Variants in PHRF1 observed in about 807,000 individuals in gnomAD.
PHRF1 encodes PHD and RING finger domain-containing protein 1.
Under a neutral mutation model 128.9 loss-of-function variants are expected in PHRF1, and 53 were observed. The ratio of observed to expected loss-of-function variants is 0.41; its 90% CI spans 0.33 to 0.52. PHRF1 has a LOEUF of 0.52. Ranked by LOEUF, PHRF1 falls within the 20% of genes least tolerant of loss-of-function variation. The probability of loss-of-function intolerance (pLI) is 0.21; values close to 1 mark genes in which losing one functional copy is unlikely to be tolerated. For synonymous variants in PHRF1, 1,178 were observed against 980.6 expected, an observed-to-expected ratio of 1.20 and a Z score of -3.76; for missense variants, 2,503 against 2,284.5, an observed-to-expected ratio of 1.10 and a Z score of -1.95.
At chr11:591,607 C>G in intron 5 of PHRF1, 140 bp downstream of exon 5, 1 of 737,600 alleles carries the variant, frequency 1.4e-6, no homozygotes, top group Non-Finnish European at 2.1e-6. Context: ...TCAAGTGCCC[C>G]TTGTGGCCAT....
At chr11:596,830 C>T in intron 6 of PHRF1, 93 bp from the exon 7 acceptor site, 1 of 1,074,690 alleles carries the variant, frequency 9.3e-7, no homozygotes, top group Non-Finnish European at 1.4e-6. Flanking sequence ...ACTTGGGTGC[C>T]ATCGGAGGCC....
At chr11:599,215 A>G (rs1230599329) in intron 9 of PHRF1, among the ~76,000 whole-genome samples, 1 of 126,064 alleles carries the variant, frequency 7.9e-6, no homozygotes, top group African/African-American at 3.0e-5. Context: ...AATTAACTGT[A>G]TTGAAGCATG....
At position 608,167 on chromosome 11, in the gene PHRF1, A is replaced by C. The variant is rs1856076521; in HGVS notation, c.2711A>C (p.Lys904Thr). Residue 904 changes from lysine (K) to threonine (T), a missense_variant, in exon 14 of 18, where the codon AAG (lysine) becomes ACG (threonine). Transcript: ENST00000264555. ...CTCGGACCGTCCTCCGCCATGTCCAAGCTCCGGGGTGCAGTGGCTGCCGAG... is the reference window on the plus strand; with the variant it reads ...CTCGGACCGTCCTCCGCCATGTCCACGCTCCGGGGTGCAGTGGCTGCCGAG... ...PPLGPSSAMS[K>T]LRGAVAAEGA... 6.2e-7 allele frequency: 1 copy of C among 1,610,722 alleles called. No individual in the cohort carries two copies. Among genetic ancestry groups the C allele is most frequent in the East Asian group, 2.2e-5 (1 of 44,866 alleles).
In PHRF1 at chr11:608,850, C is replaced by G; in HGVS notation, c.3394C>G (p.Leu1132Val). ...CTCCCCCACCAGCAGCCTGGAGAGG[C>G]TCTGCAGGCACAAGCATCAGCGGGA... Reference protein sequence around the residue: ...ECSPTSSLERLCRHKHQRERS... With the variant: ...ECSPTSSLERVCRHKHQRERS... Residue 1132 changes from leucine (L) to valine (V), a missense_variant, in exon 14 of 18, where the codon CTC becomes GTC. Coordinates refer to ENST00000264555, the MANE Select transcript of PHRF1 (RefSeq NM_001286581.2). The G allele has an allele frequency of 6.2e-7, 1 of 1,612,352 alleles. No individual in the cohort carries two copies. Among genetic ancestry groups the G allele is most frequent in the Non-Finnish European group, 8.5e-7 (1 of 1,179,816 alleles).
chr11:582,264 CTTTTT>C (rs71022934), intron 3 of PHRF1, among the ~76,000 whole-genome samples, 183 bp downstream of exon 3: 8 of 120,672 alleles, frequency 6.6e-5, no homozygotes, highest in Non-Finnish European at 9.1e-5. Flanking sequence ...TACTTCATTT[CTTTTT>C]TTTTTTTTTT....
Position 581,492 on chromosome 11 carries a change from A to T in PHRF1, c.-21A>T. The T allele has an allele frequency of 6.2e-7, 1 of 1,612,874 alleles. No individual in the cohort carries two copies. Among genetic ancestry groups the T allele is most frequent in the South Asian group, 1.1e-5 (1 of 90,992 alleles). ...GTTGCTTGGCTCTTCTTTCTTTCAGAGCTGAGCTCAATGTGCAGCAATGGA... is the reference window on the plus strand; with the variant it reads ...GTTGCTTGGCTCTTCTTTCTTTCAGTGCTGAGCTCAATGTGCAGCAATGGA... On this transcript the variant is annotated splice_region_variant and 5_prime_UTR_variant, in exon 2 of 18. Transcript: ENST00000264555.
chr11:587,177 C>A (rs551557516), intron 3 of PHRF1, 82 bp from the exon 4 acceptor site: 3 of 1,379,870 alleles, frequency 2.2e-6, no homozygotes, highest in Non-Finnish European at 3.0e-6. Context: ...GTGTCCTGAG[C>A]GCAGCCTGGG....
Position 597,522 on chromosome 11 carries a change from G to A in PHRF1, c.846G>A (p.Val282=). Residue 282 remains valine (V), a synonymous_variant, in exon 8 of 18, where the codon GTG becomes GTA. Coordinates refer to ENST00000264555, the MANE Select transcript of PHRF1 (RefSeq NM_001286581.2). The surrounding 1 kb of genome is among the most constrained non-coding windows in gnomAD (Gnocchi z 6.5). ...CCAGGACACGGCAGAGTGAGAGAGT[G>A]AGAGCAACCGTGAACCGGAACCGGA... is the stretch of plus-strand genomic sequence containing the variant. The part of the protein sequence containing the change: ...AIARTRQSER[V]RATVNRNRIS... The A allele has an allele frequency of 6.2e-7, 1 of 1,612,534 alleles. No individual in the cohort carries two copies. Among genetic ancestry groups the A allele is most frequent in the Non-Finnish European group, 8.5e-7 (1 of 1,179,568 alleles).
In PHRF1 at chr11:596,912, C is replaced by A. The variant is rs752757321; in HGVS notation, c.621-11C>A. The A allele has an allele frequency of 5.6e-6, 9 of 1,613,034 alleles. No individual in the cohort carries two copies. The East Asian group carries it at 2.0e-4, about 36-fold the overall frequency. On this transcript the variant is annotated splice_polypyrimidine_tract_variant and intron_variant, in intron 6 of 17. Transcript: ENST00000264555. ...AGCACCCGGATGCTTTGGCCCTGCT[C>A]TCTCCTGTAGGTACCACATGGAATG...
At chr11:578,270 C>T (rs372659610) in intron 1 of PHRF1, among the ~76,000 whole-genome samples, 6 of 152,310 alleles carry the variant, frequency 3.9e-5, no homozygotes, top group African/African-American at 1.4e-4. Flanking sequence ...GGCAAAATAG[C>T]CCCTGGTTAC....
intron 9 of PHRF1, among the ~76,000 whole-genome samples, chr11:599,223 A>G (rs1589885497): frequency 6.9e-6 from 1 of 145,240 alleles, no homozygotes. Flanking sequence ...GTATTGAAGC[A>G]TGCATACTTT....
At chr11:590,904 TGTCA>T (rs1854931945) in intron 4 of PHRF1, among the ~76,000 whole-genome samples, 1 of 152,162 alleles carries the variant, frequency 6.6e-6, no homozygotes, top group South Asian at 2.1e-4. Flanking sequence ...GGTTTCTCTG[TGTCA>T]GTCAGGCTGG....
rs949222547 is a variant in PHRF1, at chr11:605,716, G to A, written c.1446G>A (p.Gly482=). The A allele has an allele frequency of 3.1e-6, 5 of 1,610,466 alleles. No homozygotes were observed. The highest frequency in any genetic ancestry group is 4.2e-6 in the Non-Finnish European group (5 of 1,179,570). ...HQPVARPVSV[G]LSRRRLPAAV... is the part of the protein sequence containing the mutation. ...CCGTGGCCAGGCCCGTCTCCGTGGGGCTTTCCAGGTGTGTGAGGGCAGAGG... is the reference window on the plus strand; with the variant it reads ...CCGTGGCCAGGCCCGTCTCCGTGGGACTTTCCAGGTGTGTGAGGGCAGAGG... The change falls in exon 12 of 18, where the codon GGG becomes GGA. Residue 482 remains glycine, a synonymous_variant. Coordinates refer to ENST00000264555, the MANE Select transcript of PHRF1 (RefSeq NM_001286581.2).
In PHRF1 at chr11:608,812, G is replaced by A. The variant is rs201529946; in HGVS notation, c.3356G>A (p.Arg1119Gln). The A allele has an allele frequency of 2.3e-4, 376 of 1,611,826 alleles. No homozygotes were observed. Among genetic ancestry groups the A allele is most frequent in the Non-Finnish European group, 3.0e-4 (356 of 1,179,774 alleles). Residue 1119 changes from arginine to glutamine, a missense_variant, in exon 14 of 18, where the codon CGG (arginine) becomes CAG (glutamine). Arg to Gln is a conservative substitution (Grantham distance 43). Transcript: ENST00000264555. ...AAAAGGAGATCAGCGTCCAGACCTCGGGGAAGGGAGTGCTCCCCCACCAGC... is the reference window on the plus strand; with the variant it reads ...AAAAGGAGATCAGCGTCCAGACCTCAGGGAAGGGAGTGCTCCCCCACCAGC... The part of the protein sequence containing the change: ...KKKRRSASRP[R>Q]GRECSPTSSL...
Position 607,712 on chromosome 11 carries a change from C to T in PHRF1, c.2256C>T (p.Ala752=), listed in dbSNP as rs1449328383. 3.7e-6 allele frequency: 6 copies of T among 1,611,498 alleles called. No individual in the cohort carries two copies. The highest frequency in any genetic ancestry group is 5.1e-6 in the Non-Finnish European group (6 of 1,179,116). ...GVHTGSSRPP[A]PSSHGSLAPL... is the part of the protein sequence containing the mutation. ...ACACGGGCAGCTCCCGGCCCCCAGC[C>T]CCCAGCTCCCATGGCAGTTTGGCCC... Residue 752 remains alanine, a synonymous_variant, in exon 14 of 18, where the codon GCC becomes GCT. Coordinates refer to ENST00000264555, the MANE Select transcript of PHRF1 (RefSeq NM_001286581.2).
At chr11:609,882 T>G (rs931363873) in intron 14 of PHRF1, among the ~76,000 whole-genome samples, 162 bp downstream of exon 14, 33 of 151,110 alleles carry the variant, frequency 2.2e-4, no homozygotes, top group Non-Finnish European at 3.4e-4. Context: ...GAGCCCCCTG[T>G]GAATCTGACT....
intron 14 of PHRF1, 140 bp from the exon 15 acceptor site, chr11:610,056 C>T: frequency 3.5e-6 from 4 of 1,146,092 alleles, no homozygotes; most frequent in Non-Finnish European, 4.8e-6. Context: ...TCGCAACCTC[C>T]CCTTGGTGCT....
At chr11:604,139 G>T (rs1855809202) in intron 10 of PHRF1, among the ~76,000 whole-genome samples, 1 of 152,238 alleles carries the variant, frequency 6.6e-6, no homozygotes, top group Admixed American at 6.5e-5. Flanking sequence ...CAGGTCCCCT[G>T]GGCTCTCCCT....
At position 597,575 on chromosome 11, in the gene PHRF1, G is replaced by T. The variant is rs1855369708; in HGVS notation, c.894+5G>T. On this transcript the variant is annotated splice_donor_5th_base_variant and intron_variant, in intron 8 of 17. Transcript: ENST00000264555. The surrounding 1 kb of genome is among the most constrained non-coding windows in gnomAD (Gnocchi z 6.5). Reference sequence around the variant, plus strand: ...TCCACGGCCAGGAGGGTCCAGGTGGGTGGCCCAGCCCTGACGCCAGTCGTA... The same window carrying T: ...TCCACGGCCAGGAGGGTCCAGGTGGTTGGCCCAGCCCTGACGCCAGTCGTA... 3 of 1,609,244 alleles carry T rather than the reference G, an allele frequency of 1.9e-6. No homozygotes were observed. Among genetic ancestry groups the T allele is most frequent in the Non-Finnish European group, 2.5e-6 (3 of 1,178,486 alleles).
Sources: gnomAD v4.1 joint callset for allele counts (sites outside exome capture counted in the v4.1 genomes callset) on GRCh38, gnomAD v4.1.1 for gene constraint, Gnocchi (gnomAD v3.1) non-coding constraint, MANE v1.5 for transcripts, NCBI Gene and HGNC (gene_info 2026-07-23, HGNC 2026-07-21) for gene names.